The following TBC1D19 variants were observed in gnomAD, a reference collection of about 807,000 sequenced individuals.
The protein encoded by TBC1D19 is TBC1 domain family, member 19.
In TBC1D19, 60 loss-of-function variants were observed where a neutral mutation model predicts 89.0. The observed-to-expected ratio is 0.67, with a 90% confidence interval of 0.55 to 0.84. The LOEUF (loss-of-function observed/expected upper bound fraction) is 0.84, where lower values mean the gene tolerates loss of function less well. Ranked by LOEUF, TBC1D19 falls within the 40% of genes least tolerant of loss-of-function variation. The pLI is 0.00. For missense variants in TBC1D19, 500 were observed against 610.8 expected (o/e 0.82, Z 1.91); for synonymous variants, 189 against 199.7 (o/e 0.95, Z 0.45).
the TBC1D19 span, among the ~76,000 whole-genome samples, chr4:26,848,350 T>C: frequency 1.9e-4 from 29 of 152,330 alleles, no homozygotes; most frequent in Admixed American, 3.3e-4. Flanking sequence ...GACTATGGGT[T>C]TTAGCTTTCA....
the TBC1D19 span, among the ~76,000 whole-genome samples, chr4:26,808,107 A>G: frequency 6.6e-6 from 1 of 152,248 alleles, no homozygotes. Flanking sequence ...TCATGCCGTC[A>G]TTGAGGACCC....
At chr4:26,655,323 A>T (rs1744715686) in intron 7 of TBC1D19, among the ~76,000 whole-genome samples, 1 of 152,194 alleles carries the variant, frequency 6.6e-6, no homozygotes, top group South Asian at 2.1e-4. Context: ...GAGGTCAGGG[A>T]CCCACTTGAG....
At chr4:26,745,665 C>T (rs533880207) in intron 18 of TBC1D19, among the ~76,000 whole-genome samples, 34 of 151,566 alleles carry the variant, frequency 2.2e-4, no homozygotes, top group South Asian at 8.4e-4. Flanking sequence ...CGCCACCATG[C>T]GCAGCTAATT....
chr4:26,683,804 A>G (rs1216760193), intron 12 of TBC1D19, 55 bp downstream of exon 12: 17 of 1,399,298 alleles, frequency 1.2e-5, no homozygotes, highest in Non-Finnish European at 1.6e-5. Flanking sequence ...TAGAATTGAG[A>G]TTCTTCAGTA....
At chr4:26,725,737 T>C (rs1717272464) in intron 15 of TBC1D19, among the ~76,000 whole-genome samples, 1 of 152,170 alleles carries the variant, frequency 6.6e-6, no homozygotes, top group African/African-American at 2.4e-5. Flanking sequence ...TAAACGATCA[T>C]CCTGTCTACT....
At chr4:26,657,806 T>C (rs1744960680) in intron 7 of TBC1D19, among the ~76,000 whole-genome samples, 1 of 152,234 alleles carries the variant, frequency 6.6e-6, no homozygotes, top group Non-Finnish European at 1.5e-5. Flanking sequence ...TTTCTCATTG[T>C]GGTTTTGATT....
At chr4:26,840,404 A>G in the TBC1D19 span, among the ~76,000 whole-genome samples, 1 of 152,078 alleles carries the variant, frequency 6.6e-6, no homozygotes, top group African/African-American at 2.4e-5. Flanking sequence ...CTATTGGCTC[A>G]ATTTTCGTTT....
At chr4:26,713,375 C>A (rs1183828023) in intron 13 of TBC1D19, among the ~76,000 whole-genome samples, 1 of 151,760 alleles carries the variant, frequency 6.6e-6, no homozygotes, top group African/African-American at 2.4e-5. Flanking sequence ...AATATATTTT[C>A]TTGACATAAT....
At chr4:26,769,832 G>T in the TBC1D19 span, among the ~76,000 whole-genome samples, 1 of 152,104 alleles carries the variant, frequency 6.6e-6, no homozygotes, top group East Asian at 1.9e-4. Flanking sequence ...ACAGGCATGA[G>T]ACACCAAGTC....
At chr4:26,844,230 A>C in the TBC1D19 span, among the ~76,000 whole-genome samples, 4 of 152,188 alleles carry the variant, frequency 2.6e-5, no homozygotes, top group Admixed American at 2.0e-4. Flanking sequence ...ACTAAATTAG[A>C]ATCTTTAGGG....
At chr4:26,638,023 G>A (rs1214540047) in intron 5 of TBC1D19, among the ~76,000 whole-genome samples, 7 of 152,204 alleles carry the variant, frequency 4.6e-5, no homozygotes, top group East Asian at 1.9e-4. Context: ...CGTAGGAAAC[G>A]AAAAGGATAA....
At position 26,686,125 on chromosome 4, in the gene TBC1D19, A is replaced by AT. The variant is rs145162692; in HGVS notation, c.892-2217dup. On this transcript the variant is annotated intron_variant, in intron 12 of 20. Transcript: ENST00000264866. Reference sequence around the variant, plus strand: ...GAAGTCAGCCGTTAAGGGAATGATCATTTAAAAAAAAAAATCCCTGTTATT... The same window carrying AT: ...GAAGTCAGCCGTTAAGGGAATGATCATTTTAAAAAAAAAAATCCCTGTTATT... Among the ~76,000 whole-genome samples the AT allele has an allele frequency of 0.014, 2,084 of 151,244 alleles. 87 individuals carry two copies. In the East Asian group the frequency reaches 0.15, roughly 11 times the overall value.
downstream of TBC1D19, among the ~76,000 whole-genome samples, chr4:26,756,534 A>C (rs1719269382): frequency 6.6e-6 from 1 of 152,270 alleles, no homozygotes; most frequent in South Asian, 2.1e-4. Context: ...AAGCTTTCTT[A>C]TCTGTAACTG....
chr4:26,845,895 C>T, the TBC1D19 span, among the ~76,000 whole-genome samples: 43 of 152,288 alleles, frequency 2.8e-4, 1 homozygote, highest in African/African-American at 1.0e-3. Context: ...CAATTATCTC[C>T]CACCAAGTCT....
At chr4:26,843,407 C>T in the TBC1D19 span, among the ~76,000 whole-genome samples, 1 of 152,012 alleles carries the variant, frequency 6.6e-6, no homozygotes, top group Admixed American at 6.6e-5. Context: ...ATCTAGGTAT[C>T]AGAGGTTGGG....
intron 15 of TBC1D19, among the ~76,000 whole-genome samples, chr4:26,723,556 G>C (rs548135111): frequency 6.6e-5 from 10 of 152,268 alleles, no homozygotes; most frequent in African/African-American, 2.2e-4. Flanking sequence ...GAAATGACAG[G>C]CTATGGTGGC....
chr4:26,816,410 A>G, the TBC1D19 span, among the ~76,000 whole-genome samples: 1 of 152,202 alleles, frequency 6.6e-6, no homozygotes, highest in African/African-American at 2.4e-5. Flanking sequence ...AGAGGTTTTC[A>G]GTGGATAAGA....
At chr4:26,782,531 C>T in the TBC1D19 span, among the ~76,000 whole-genome samples, 3 of 152,120 alleles carry the variant, frequency 2.0e-5, no homozygotes, top group East Asian at 1.9e-4. Context: ...GAATTAGACT[C>T]TTAATTATAT....
At chr4:26,803,960 GGAAAT>G in the TBC1D19 span, among the ~76,000 whole-genome samples, 1 of 151,878 alleles carries the variant, frequency 6.6e-6, no homozygotes, top group Non-Finnish European at 1.5e-5. Context: ...GGAATTTTCT[GGAAAT>G]GAAATGGGAT....
Sources: gnomAD v4.1 joint callset for allele counts (sites outside exome capture counted in the v4.1 genomes callset) on GRCh38, gnomAD v4.1.1 for gene constraint, MANE v1.5 for transcripts, NCBI Gene and HGNC (gene_info 2026-07-23, HGNC 2026-07-21) for gene names.